The following METTL16 variants were observed in gnomAD, a reference collection of about 807,000 sequenced individuals.
METTL16 encodes RNA N(6)-adenosine-methyltransferase METTL16.
In METTL16, 19 loss-of-function variants were observed where a neutral mutation model predicts 57.9. That is an observed-to-expected ratio of 0.33 (90% CI 0.23 to 0.48). The LOEUF (loss-of-function observed/expected upper bound fraction) is 0.48. Ranked by LOEUF, METTL16 falls within the 20% of genes least tolerant of loss-of-function variation. The pLI, the probability that METTL16 is intolerant of heterozygous loss-of-function variation, is 0.99. For missense variants in METTL16, 434 were observed against 691.5 expected (o/e 0.63, Z 4.18); for synonymous variants, 246 against 255.6 (o/e 0.96, Z 0.36).
intron 1 of METTL16, among the ~76,000 whole-genome samples, chr17:2,508,676 C>T (rs1382523306): frequency 6.6e-6 from 1 of 152,126 alleles, no homozygotes; most frequent in Non-Finnish European, 1.5e-5. Flanking sequence ...TCTTCATAAA[C>T]ACTCTTGCCC....
At chr17:2,422,084 G>A (rs1234035704) in intron 8 of METTL16, among the ~76,000 whole-genome samples, 1 of 152,144 alleles carries the variant, frequency 6.6e-6, no homozygotes, top group Non-Finnish European at 1.5e-5. Flanking sequence ...GGCCGAAGCA[G>A]GCAGATCACT....
chr17:2,454,242 A>C (rs1207062794), intron 6 of METTL16, among the ~76,000 whole-genome samples: 1 of 152,166 alleles, frequency 6.6e-6, no homozygotes, highest in Non-Finnish European at 1.5e-5. Context: ...GGTTATTTAG[A>C]AACTTATTAA....
At chr17:2,471,649 C>T (rs752491212) in intron 4 of METTL16, among the ~76,000 whole-genome samples, 31 of 152,120 alleles carry the variant, frequency 2.0e-4, no homozygotes, top group Non-Finnish European at 3.8e-4. Flanking sequence ...ATTGGCCAGG[C>T]ACGGTGGCGG....
chr17:2,440,970 C>CAAAAAAAAAAAAAAAAAAAA (rs760521188), intron 7 of METTL16, among the ~76,000 whole-genome samples: 3 of 34,042 alleles, frequency 8.8e-5, no homozygotes, highest in Non-Finnish European at 7.7e-5. Flanking sequence ...GACTTGATCT[C>CAAAAAAAAAAAAAAAAAAAA]AAAAAAAAAA....
chr17:2,505,644 G>A (rs780236010), intron 1 of METTL16, among the ~76,000 whole-genome samples: 35 of 151,504 alleles, frequency 2.3e-4, no homozygotes, highest in Non-Finnish European at 4.7e-4. Context: ...CTCCCACCTC[G>A]GGCTCCCAAA....
At position 2,417,315 on chromosome 17, in the gene METTL16, C is replaced by G. The variant is rs2066727374; in HGVS notation, c.*2655G>C. The G allele has an allele frequency of 6.6e-6, 1 of 152,150 alleles. No homozygotes were observed. Among genetic ancestry groups the G allele is most frequent in the South Asian group, 2.1e-4 (1 of 4,836 alleles). 9.4% of individuals were successfully genotyped at this position (152,150 alleles called of 1,614,324 possible). On this transcript the variant is annotated 3_prime_UTR_variant, in exon 10 of 10. Transcript: ENST00000263092. The stretch of plus-strand genomic sequence containing the variant: ...CCGACCTCATGCGATGCGCCCATCT[C>G]AGCCTCACAGTGCTGGGATTACAGG...
intron 4 of METTL16, among the ~76,000 whole-genome samples, 195 bp from the exon 5 acceptor site, chr17:2,468,071 C>T (rs1211970183): frequency 6.6e-6 from 1 of 152,142 alleles, no homozygotes; most frequent in African/African-American, 2.4e-5. Context: ...GCTAAAATGG[C>T]CTTCAGTATT....
In METTL16 at chr17:2,458,410, A is replaced by T. The variant is rs77685359; in HGVS notation, c.728+5798T>A. ...AAAATTATGGTGTGGAGAATAAATTAAAAAAAAAAAAAATTCAGGGCCAGG... is the reference window on the plus strand; with the variant it reads ...AAAATTATGGTGTGGAGAATAAATTTAAAAAAAAAAAAATTCAGGGCCAGG... On this transcript the variant is annotated intron_variant, in intron 6 of 9. Coordinates refer to ENST00000263092, the MANE Select transcript of METTL16 (RefSeq NM_024086.4). Among the ~76,000 whole-genome samples the T allele has an allele frequency of 7.7e-3, 860 of 112,070 alleles. 9 individuals carry two copies. The highest frequency in any genetic ancestry group is 0.039 in the African/African-American group (798 of 20,380). The allele number at this position is 112,070 out of a possible 152,430, so 73.5% of individuals were successfully genotyped here. A position where few individuals can be genotyped will look rare whatever the true frequency, so the allele number is the denominator to read the frequency against.
At chr17:2,454,807 G>C (rs1175710790) in intron 6 of METTL16, among the ~76,000 whole-genome samples, 1 of 151,870 alleles carries the variant, frequency 6.6e-6, no homozygotes, top group African/African-American at 2.4e-5. Context: ...CTGGTGATCT[G>C]CCCACCTTGG....
intron 8 of METTL16, among the ~76,000 whole-genome samples, chr17:2,429,859 G>A (rs112661310): frequency 6.6e-6 from 1 of 151,606 alleles, no homozygotes; most frequent in Non-Finnish European, 1.5e-5. Context: ...CGCCCAGGCT[G>A]GAGTGCAGTG....
At chr17:2,446,116 A>C (rs2066993541) in intron 6 of METTL16, among the ~76,000 whole-genome samples, 1 of 152,192 alleles carries the variant, frequency 6.6e-6, no homozygotes, top group Non-Finnish European at 1.5e-5. Context: ...GAAATAGAAG[A>C]AAACTTCCTC....
At chr17:2,451,330 A>G (rs2067067859) in intron 6 of METTL16, among the ~76,000 whole-genome samples, 1 of 152,196 alleles carries the variant, frequency 6.6e-6, no homozygotes, top group African/African-American at 2.4e-5. Context: ...TCCCTTTAAG[A>G]AAGTATCATC....
chr17:2,428,586 TA>T lies in METTL16; in HGVS notation c.889-7683del, dbSNP rs551380217. On this transcript the variant is annotated intron_variant, in intron 8 of 9. Transcript: ENST00000263092. ...AAAAATATATATATATATATATATA[TA>T]TATATATATATATATAAATTGTAAT... Among the ~76,000 whole-genome samples the T allele has an allele frequency of 2.9e-3, 118 of 40,944 alleles. 6 individuals carry two copies. Among genetic ancestry groups the T allele is most frequent in the East Asian group, 0.016 (5 of 316 alleles). The allele number at this position is 40,944 out of a possible 152,430, so 26.9% of individuals were successfully genotyped here.
intron 8 of METTL16, among the ~76,000 whole-genome samples, chr17:2,427,259 A>G (rs1202762521): frequency 6.6e-6 from 1 of 152,260 alleles, no homozygotes; most frequent in Non-Finnish European, 1.5e-5. Flanking sequence ...CAGACTTCTG[A>G]CCATTCTTTT....
intron 2 of METTL16, among the ~76,000 whole-genome samples, chr17:2,491,283 C>T (rs1377694343): frequency 6.6e-6 from 1 of 152,178 alleles, no homozygotes; most frequent in Non-Finnish European, 1.5e-5. Context: ...CCCAAAATAG[C>T]CTATTGTCAA....
At chr17:2,504,845 T>C (rs1235572032) in intron 1 of METTL16, among the ~76,000 whole-genome samples, 1 of 152,212 alleles carries the variant, frequency 6.6e-6, no homozygotes, top group Admixed American at 6.5e-5. Context: ...GTGCTACGAC[T>C]ACAGACATGA....
chr17:2,465,257 G>A (rs1567895332), intron 5 of METTL16, among the ~76,000 whole-genome samples: 1 of 151,894 alleles, frequency 6.6e-6, no homozygotes, highest in Non-Finnish European at 1.5e-5. Context: ...CAAAAAGACA[G>A]ATCAGGCCGG....
At chr17:2,432,219 G>T (rs1038499601) in intron 8 of METTL16, among the ~76,000 whole-genome samples, 1 of 152,120 alleles carries the variant, frequency 6.6e-6, no homozygotes, top group African/African-American at 2.4e-5. Flanking sequence ...CAAAGTGCTG[G>T]GATTACAGGT....
chr17:2,424,282 T>G (rs901759482), intron 8 of METTL16: 5 of 150,464 alleles, frequency 3.3e-5, no homozygotes, highest in Non-Finnish European at 5.9e-5. Context: ...CCCGGCTAAT[T>G]TTTTGTATTT....
Sources: gnomAD v4.1 joint callset for allele counts (sites outside exome capture counted in the v4.1 genomes callset) on GRCh38, gnomAD v4.1.1 for gene constraint, MANE v1.5 for transcripts, NCBI Gene and HGNC (gene_info 2026-07-23, HGNC 2026-07-21) for gene names.